The following GPAT3 variants were observed in gnomAD, a reference collection of about 807,000 sequenced individuals.
The protein encoded by GPAT3 is glycerol-3-phosphate acyltransferase 3.
GPAT3 carries 53 observed loss-of-function variants against 58.8 expected under a neutral mutation model. The observed-to-expected ratio is 0.90, with a 90% CI of 0.72 to 1.13. GPAT3 has a LOEUF of 1.13. Among genes scored for constraint, GPAT3 ranks in the 50% most tolerant of loss-of-function variants. The probability of loss-of-function intolerance (pLI) is 0.00; values close to 1 mark genes in which losing one functional copy is unlikely to be tolerated. For synonymous variants in GPAT3, 197 were observed against 187.4 expected (o/e 1.05, Z -0.42); for missense variants, 511 against 527.6 (o/e 0.97, Z 0.31).
chr4:83,540,822 T>C lies in GPAT3; in HGVS notation c.142-3714T>C, dbSNP rs546396134. On this transcript the variant is annotated intron_variant, in intron 1 of 11. Transcript: ENST00000264409. The stretch of plus-strand genomic sequence containing the variant: ...CTCCTGCCTCAGCCTCCTAAGTAGC[T>C]GGGATTACAGGCAGGAGCCACCATG... Among the ~76,000 whole-genome samples, 5 of 152,268 alleles carry C rather than the reference T, an allele frequency of 3.3e-5. No individual in the cohort carries two copies. In the East Asian group the frequency reaches 9.7e-4, roughly 29 times the overall value.
chr4:83,565,632 A>G (rs1235725024), intron 2 of GPAT3, among the ~76,000 whole-genome samples: 1 of 152,138 alleles, frequency 6.6e-6, no homozygotes, highest in Non-Finnish European at 1.5e-5. Context: ...AGTAGCTGGG[A>G]TTACAGGCAC....
chr4:83,562,201 T>TATATATATATTATATATATATATATATA (rs1725171774), intron 2 of GPAT3, among the ~76,000 whole-genome samples: 2 of 34,404 alleles, frequency 5.8e-5, no homozygotes, highest in Non-Finnish European at 9.9e-5. Flanking sequence ...ATATATATAA[T>TATATATATATTATATATATATATATATA]ATATATATAT....
intron 7 of GPAT3, 60 bp from the exon 8 acceptor site, chr4:83,596,798 A>G: frequency 1.5e-6 from 2 of 1,355,206 alleles, no homozygotes; most frequent in South Asian, 2.4e-5. Flanking sequence ...AGGAATATCA[A>G]AAAGGACATC....
At chr4:83,549,477 A>G (rs538492326) in intron 2 of GPAT3, among the ~76,000 whole-genome samples, 2,267 of 148,964 alleles carry the variant, frequency 0.015, 63 homozygotes, top group African/African-American at 0.052. Flanking sequence ...GTATGTATAT[A>G]TATATGAAAT....
rs1275834260 is a variant in GPAT3, at chr4:83,569,709, A to G, written c.209-11853A>G. Among the ~76,000 whole-genome samples, 3 of 152,292 alleles carry G rather than the reference A, an allele frequency of 2.0e-5. No homozygotes were observed. In the South Asian group the frequency reaches 6.2e-4, roughly 32 times the overall value. On this transcript the variant is annotated intron_variant, in intron 2 of 11. Coordinates refer to ENST00000264409, the MANE Select transcript of GPAT3 (RefSeq NM_032717.5). Reference sequence around the variant, plus strand: ...TGGCTGAACTACAGCACTGGGGACCACTTGGTGCACCACTGCCCAGGGCAT... The same window carrying G: ...TGGCTGAACTACAGCACTGGGGACCGCTTGGTGCACCACTGCCCAGGGCAT...
chr4:83,565,418 G>T (rs1045608561), intron 2 of GPAT3, among the ~76,000 whole-genome samples: 1 of 151,990 alleles, frequency 6.6e-6, no homozygotes, highest in Non-Finnish European at 1.5e-5. Flanking sequence ...TATACATTTG[G>T]ATCTGTTTCT....
At position 83,596,869 on chromosome 4, in the gene GPAT3, A is replaced by G; in HGVS notation, c.866A>G (p.His289Arg). 1.2e-6 allele frequency: 2 copies of G among 1,603,980 alleles called. No homozygotes were observed. Among genetic ancestry groups the G allele is most frequent in the Admixed American group, 3.5e-5 (2 of 57,076 alleles). ...TTTTTTTTCCATAGACTAAAAGAAC[A>G]TATTGCTGATAAGAAGAAACTACCC... ...RHLVTKRLKE[H>R]IADKKKLPIL... Residue 289 changes from histidine to arginine, a missense_variant, in exon 8 of 12, where the codon CAT (histidine) becomes CGT (arginine). Coordinates refer to ENST00000264409, the MANE Select transcript of GPAT3 (RefSeq NM_032717.5).
intron 2 of GPAT3, among the ~76,000 whole-genome samples, chr4:83,558,319 T>G (rs12331205): frequency 0.16 from 24,654 of 152,070 alleles, 2,284 homozygotes; most frequent in East Asian, 0.31. Context: ...AAAATGGGAT[T>G]AAAAAAACTG....
At chr4:83,599,743 G>A (rs1268248275) in intron 11 of GPAT3, among the ~76,000 whole-genome samples, 3 of 152,168 alleles carry the variant, frequency 2.0e-5, no homozygotes, top group Admixed American at 6.5e-5. Context: ...ATAGGTGAAT[G>A]TATTAGTCTG....
Position 83,559,322 on chromosome 4 carries a change from G to T in GPAT3, c.208+14720G>T, listed in dbSNP as rs548553324. On this transcript the variant is annotated intron_variant, in intron 2 of 11. Transcript: ENST00000264409. ...GTATATAAGCAGAGAAAGCAGGAAA[G>T]ATTTTTTTTTTGTTTTTTGGAGTTA... Among the ~76,000 whole-genome samples, 521 of 151,856 alleles carry T rather than the reference G, an allele frequency of 3.4e-3. 2 individuals carry two copies. The highest frequency in any genetic ancestry group is 5.4e-3 in the Admixed American group (83 of 15,238).
chr4:83,570,158 G>A (rs961480198), intron 2 of GPAT3, among the ~76,000 whole-genome samples: 6 of 152,196 alleles, frequency 3.9e-5, no homozygotes, highest in African/African-American at 1.4e-4. Flanking sequence ...GAAGCACTTG[G>A]TTTTGGAGTC....
intron 2 of GPAT3, among the ~76,000 whole-genome samples, chr4:83,578,868 C>CCTTT (rs756254518): frequency 1.1e-4 from 16 of 151,480 alleles, no homozygotes; most frequent in Non-Finnish European, 2.2e-4. Context: ...TTCCTTCCTT[C>CCTTT]CTTCCTTCCC....
intron 1 of GPAT3, among the ~76,000 whole-genome samples, chr4:83,538,039 A>G (rs1239390434): frequency 6.6e-6 from 1 of 152,202 alleles, no homozygotes; most frequent in Non-Finnish European, 1.5e-5. Flanking sequence ...TTAAAAGAAT[A>G]ATATGATTAC....
chr4:83,570,896 A>T (rs1316062101), intron 2 of GPAT3, among the ~76,000 whole-genome samples: 1 of 152,174 alleles, frequency 6.6e-6, no homozygotes, highest in African/African-American at 2.4e-5. Context: ...TTGTAGGCTC[A>T]TGTGATTACC....
chr4:83,546,549 T>C (rs1724519419), intron 2 of GPAT3, among the ~76,000 whole-genome samples: 2 of 152,098 alleles, frequency 1.3e-5, no homozygotes, highest in African/African-American at 4.8e-5. Context: ...GAGGAGAAAA[T>C]AGAAATCATA....
Position 83,581,622 on chromosome 4 carries a change from A to G in GPAT3, c.269A>G (p.Asp90Gly). Residue 90 changes from aspartate (D) to glycine (G), a missense_variant, in exon 3 of 12, where the codon GAC becomes GGC. Transcript: ENST00000264409. ...GGGCTCTCTGGTCTACGAGGAAGGG[A>G]CTTTGAGCTGTCTGACGTGTTTTAT... ...EKGLSGLRGR[D>G]FELSDVFYFS... 1.2e-6 allele frequency: 2 copies of G among 1,614,116 alleles called. No homozygotes were observed. The highest frequency in any genetic ancestry group is 1.7e-6 in the Non-Finnish European group (2 of 1,180,004).
chr4:83,589,928 C>G (rs1242779529), intron 5 of GPAT3, among the ~76,000 whole-genome samples: 2 of 152,122 alleles, frequency 1.3e-5, no homozygotes, highest in Middle Eastern at 3.4e-3. Flanking sequence ...CTCATCTCTG[C>G]TAAAAATATA....
intron 2 of GPAT3, among the ~76,000 whole-genome samples, chr4:83,549,473 A>G (rs1464440): frequency 0.32 from 42,033 of 133,016 alleles, 6,152 homozygotes; most frequent in Middle Eastern, 0.43. Context: ...GTGTGTATGT[A>G]TATATATATG....
chr4:83,598,279 T>A, intron 10 of GPAT3, 100 bp downstream of exon 10: 1 of 1,471,562 alleles, frequency 6.8e-7, no homozygotes, highest in Non-Finnish European at 9.2e-7. Flanking sequence ...TTTTCTGCTT[T>A]CTCAGCAAAT....
Sources: gnomAD v4.1 joint callset for allele counts (sites outside exome capture counted in the v4.1 genomes callset) on GRCh38, gnomAD v4.1.1 for gene constraint, MANE v1.5 for transcripts, NCBI Gene and HGNC (gene_info 2026-07-23, HGNC 2026-07-21) for gene names.